CPA6: variants seen among roughly 807,000 people sequenced by gnomAD.
CPA6 encodes the protein carboxypeptidase A6, also known as carboxypeptidase B.
CPA6 carries 58 observed loss-of-function variants against 63.3 expected under a neutral mutation model. The ratio of observed to expected loss-of-function variants is 0.92; its 90% CI spans 0.74 to 1.14. CPA6 has a LOEUF of 1.14. Among genes scored for constraint, CPA6 ranks in the 50% most tolerant of loss-of-function variants. The pLI is 0.00. For missense variants in CPA6, 565 were observed against 526.6 expected (o/e 1.07, Z -0.71); for synonymous variants, 185 against 179.0 (o/e 1.03, Z -0.27).
chr8:67,555,193 T>C (rs1047024469), intron 2 of CPA6, among the ~76,000 whole-genome samples: 2 of 152,088 alleles, frequency 1.3e-5, no homozygotes, highest in African/African-American at 4.8e-5. Flanking sequence ...ACTCTTAGAG[T>C]TGGGGAGGAC....
In CPA6 at chr8:67,491,096, G is replaced by A. The variant is rs112855976; in HGVS notation, c.637-6307C>T. On this transcript the variant is annotated intron_variant, in intron 6 of 10. Transcript: ENST00000297770. ...AGCTGAAGACCAGCCTCAACTGGAC[G>A]GGACAGGAATATCACTTAGGACTGG... Among the ~76,000 whole-genome samples the A allele has an allele frequency of 2.9e-3, 445 of 152,130 alleles. 1 individual carries two copies. The highest frequency in any genetic ancestry group is 1.0e-2 in the African/African-American group (413 of 41,492).
intron 8 of CPA6, among the ~76,000 whole-genome samples, chr8:67,450,390 T>C (rs1249501885): frequency 6.6e-6 from 1 of 152,180 alleles, no homozygotes; most frequent in Non-Finnish European, 1.5e-5. Context: ...CTTGCTTTGT[T>C]CAAAGTTCAA....
At chr8:67,635,429 T>A (rs1440608640) in intron 1 of CPA6, among the ~76,000 whole-genome samples, 7 of 151,676 alleles carry the variant, frequency 4.6e-5, no homozygotes, top group Admixed American at 3.9e-4. Context: ...TATTGGATGG[T>A]CTCATTTTCT....
chr8:67,529,695 G>A (rs1402642736), intron 2 of CPA6, among the ~76,000 whole-genome samples: 4 of 152,114 alleles, frequency 2.6e-5, no homozygotes, highest in Non-Finnish European at 5.9e-5. Context: ...CTCACCCAAA[G>A]CAAGGACATG....
intron 8 of CPA6, among the ~76,000 whole-genome samples, chr8:67,439,028 CT>C (rs1166581120): frequency 1.3e-5 from 2 of 152,154 alleles, no homozygotes; most frequent in South Asian, 2.1e-4. Flanking sequence ...GCTGCAATGG[CT>C]TACACCTATA....
chr8:67,691,257 C>A (rs1563394962), intron 1 of CPA6, among the ~76,000 whole-genome samples: 1 of 152,208 alleles, frequency 6.6e-6, no homozygotes, highest in Non-Finnish European at 1.5e-5. Flanking sequence ...CACAGCTCTA[C>A]ACCTGTGATC....
intron 4 of CPA6, 129 bp downstream of exon 4, chr8:67,511,412 C>A (rs1180574104): frequency 1.6e-6 from 1 of 632,578 alleles, no homozygotes. Flanking sequence ...TACATATATT[C>A]TTCACATAGT....
chr8:67,497,298 C>T (rs932739570), intron 6 of CPA6, among the ~76,000 whole-genome samples: 3 of 152,326 alleles, frequency 2.0e-5, no homozygotes, highest in Non-Finnish European at 4.4e-5. Context: ...TAATGTGCTT[C>T]CTGTTTTTAT....
At chr8:67,520,174 A>AGAG (rs5892081) in intron 2 of CPA6, among the ~76,000 whole-genome samples, 71,280 of 151,638 alleles carry the variant, frequency 0.47, 18,734 homozygotes, top group African/African-American at 0.74. Context: ...TGCTGTATTC[A>AGAG]GATAGAGAGG....
At chr8:67,633,824 C>G (rs888604919) in intron 1 of CPA6, among the ~76,000 whole-genome samples, 4 of 151,596 alleles carry the variant, frequency 2.6e-5, no homozygotes, top group African/African-American at 9.8e-5. Context: ...TCTAGAATGT[C>G]TCTGTAATTT....
At chr8:67,450,104 C>A (rs1275034212) in intron 8 of CPA6, among the ~76,000 whole-genome samples, 1 of 150,456 alleles carries the variant, frequency 6.6e-6, no homozygotes, top group Non-Finnish European at 1.5e-5. Flanking sequence ...GCATGAGCCA[C>A]CGCGCCTGGC....
intron 1 of CPA6, among the ~76,000 whole-genome samples, chr8:67,710,119 A>G (rs989397543): frequency 6.6e-6 from 1 of 152,036 alleles, no homozygotes; most frequent in Non-Finnish European, 1.5e-5. Context: ...TTTCAAAAAA[A>G]AAAAAGATTT....
At position 67,607,143 on chromosome 8, in the gene CPA6, TC is replaced by T. The variant is rs532857114; in HGVS notation, c.192+17032del. The stretch of plus-strand genomic sequence containing the variant: ...CTCCTCCTCCTCCTCCTCCCCCTCC[TC>T]CCCCCCCTCCTCTTCTTCTTCTTCC... On this transcript the variant is annotated intron_variant, in intron 2 of 10. Coordinates refer to ENST00000297770, the MANE Select transcript of CPA6 (RefSeq NM_020361.5). 8.3e-3 allele frequency among the ~76,000 whole-genome samples: 221 copies of T among 26,704 alleles called. 26 individuals carry two copies. The highest frequency in any genetic ancestry group is 0.048 in the South Asian group (18 of 374). 17.5% of individuals were successfully genotyped at this position (26,704 alleles called of 152,430 possible).
At chr8:67,496,079 G>A (rs967547159) in intron 6 of CPA6, among the ~76,000 whole-genome samples, 4 of 152,044 alleles carry the variant, frequency 2.6e-5, no homozygotes, top group Non-Finnish European at 5.9e-5. Context: ...TCTCAGTCAA[G>A]GCTGGAGAAT....
At chr8:67,562,227 C>T (rs1365011108) in intron 2 of CPA6, among the ~76,000 whole-genome samples, 1 of 152,176 alleles carries the variant, frequency 6.6e-6, no homozygotes, top group Non-Finnish European at 1.5e-5. Flanking sequence ...ACCTCAAATA[C>T]ATAAACATGT....
intron 1 of CPA6, among the ~76,000 whole-genome samples, chr8:67,682,385 C>G (rs1262780636): frequency 2.0e-5 from 3 of 152,058 alleles, no homozygotes; most frequent in Non-Finnish European, 4.4e-5. Context: ...CAGTTTGTGT[C>G]TTTTTCGTAT....
intron 1 of CPA6, among the ~76,000 whole-genome samples, chr8:67,698,135 A>G (rs1305583925): frequency 6.6e-6 from 1 of 152,196 alleles, no homozygotes; most frequent in Non-Finnish European, 1.5e-5. Flanking sequence ...ATTATATTAT[A>G]TAATTATTTG....
chr8:67,629,123 T>G (rs903411581), intron 1 of CPA6, among the ~76,000 whole-genome samples: 8 of 150,076 alleles, frequency 5.3e-5, no homozygotes, highest in African/African-American at 2.0e-4. Flanking sequence ...CGAAACAAAC[T>G]AACAAAAAAA....
At chr8:67,502,473 T>C (rs1811848010) in intron 6 of CPA6, among the ~76,000 whole-genome samples, 1 of 152,184 alleles carries the variant, frequency 6.6e-6, no homozygotes, top group Admixed American at 6.6e-5. Flanking sequence ...AATAACTTTG[T>C]TTTCAATTTC....
Sources: gnomAD v4.1 joint callset for allele counts (sites outside exome capture counted in the v4.1 genomes callset) on GRCh38, gnomAD v4.1.1 for gene constraint, MANE v1.5 for transcripts, NCBI Gene and HGNC (gene_info 2026-07-23, HGNC 2026-07-21) for gene names.